FAM83E: variants seen among roughly 807,000 people sequenced by gnomAD.
FAM83E encodes scaffolding CK1 anchoring protein E.
FAM83E carries 29 observed loss-of-function variants against 34.3 expected under a neutral mutation model. The ratio of observed to expected loss-of-function variants is 0.85; its 90% confidence interval spans 0.63 to 1.15. FAM83E has a LOEUF of 1.15. FAM83E is among the 50% of genes most tolerant of loss of function. The pLI is 0.00. For missense variants in FAM83E, 697 were observed against 685.0 expected (o/e 1.02, Z -0.20); for synonymous variants, 312 against 311.6 (o/e 1.00, Z -0.01).
In FAM83E at chr19:48,610,677, T is replaced by G; in HGVS notation, c.633+3A>C. ...TCACAGGACCCCCTGGCCCGGCCCC[T>G]ACCTCCGTGTTCCAGGGGTTCACCC... is the stretch of plus-strand genomic sequence containing the variant. On this transcript the variant is annotated splice_donor_region_variant and intron_variant, in intron 4 of 6. Coordinates refer to ENST00000263266, the MANE Select transcript of FAM83E (RefSeq NM_017708.4). The G allele has an allele frequency of 6.4e-7, 1 of 1,562,732 alleles. No individual in the cohort carries two copies. The highest frequency in any genetic ancestry group is 8.7e-7 in the Non-Finnish European group (1 of 1,153,862).
Position 48,603,668 on chromosome 19 carries a change from G to T in FAM83E, c.1002C>A (p.His334Gln). 1 of 1,301,240 alleles carries T rather than the reference G, an allele frequency of 7.7e-7. No individual in the cohort carries two copies. The allele number at this position is 1,301,240 out of a possible 1,614,324, so 80.6% of individuals were successfully genotyped here. ...SPPPPDGPLAHRLAACRVSPA... is the reference protein window; with the variant it reads ...SPPPPDGPLAQRLAACRVSPA... ...GGGAGACGCGGCAGGCGGCCAGGCG[G>T]TGGGCCAGCGGGCCGTCAGGCGGCG... The change falls in exon 6 of 7, where the codon CAC becomes CAA. Residue 334 changes from histidine (H) to glutamine (Q), a missense_variant. Coordinates refer to ENST00000263266, the MANE Select transcript of FAM83E (RefSeq NM_017708.4).
At chr19:48,606,253 G>A (rs990360674) in intron 5 of FAM83E, among the ~76,000 whole-genome samples, 1 of 152,220 alleles carries the variant, frequency 6.6e-6, no homozygotes, top group Non-Finnish European at 1.5e-5. Flanking sequence ...AGAAGCTGCA[G>A]TGAGCTGAGA....
chr19:48,608,446 T>A (rs1034217044), intron 5 of FAM83E, among the ~76,000 whole-genome samples: 8 of 148,364 alleles, frequency 5.4e-5, no homozygotes, highest in African/African-American at 7.5e-5. Context: ...CCTTTTTTTT[T>A]TTTTTTTTTA....
intron 6 of FAM83E, 85 bp downstream of exon 6, chr19:48,603,409 C>A (rs1294704382): frequency 2.3e-6 from 3 of 1,300,156 alleles, no homozygotes; most frequent in Non-Finnish European, 3.0e-6. Context: ...GGGAGCAGGG[C>A]CCCTGGAGCC....
rs1384028320 is a variant in FAM83E at position 48,610,670 on chromosome 19, C to T, written c.633+10G>A. 2.4e-5 allele frequency: 38 copies of T among 1,557,720 alleles called. No homozygotes were observed. Among genetic ancestry groups the T allele is most frequent in the East Asian group, 9.6e-5 (4 of 41,454 alleles). On this transcript the variant is annotated intron_variant, in intron 4 of 6. Coordinates refer to ENST00000263266, the MANE Select transcript of FAM83E (RefSeq NM_017708.4). ...TGGGGACTCACAGGACCCCCTGGCC[C>T]GGCCCCTACCTCCGTGTTCCAGGGG... is the stretch of plus-strand genomic sequence containing the variant.
chr19:48,614,669 GC>G (rs1568423254), intron 2 of FAM83E, 38 bp downstream of exon 2: 1 of 684,856 alleles, frequency 1.5e-6, no homozygotes, highest in Non-Finnish European at 1.8e-6. Flanking sequence ...CAGCCTCCCC[GC>G]CCCACCCTCA....
In FAM83E at chr19:48,601,240, C is replaced by CG. The variant is rs779244852; in HGVS notation, c.1305dup (p.Ala436ArgfsTer113). ...GGGGACAGATAGCGGAGGCGGTGGG[C>CG]GGGGGGCAGGGGCAGGGCACCGCCC... On this transcript the variant is annotated frameshift_variant, in exon 7 of 7. Coordinates refer to ENST00000263266, the MANE Select transcript of FAM83E (RefSeq NM_017708.4). LOFTEE classifies it low-confidence loss of function (END_TRUNC). 12 of 1,605,278 alleles carry CG rather than the reference C, an allele frequency of 7.5e-6. No homozygotes were observed. The highest frequency in any genetic ancestry group is 7.7e-6 in the Non-Finnish European group (9 of 1,175,250).
intron 3 of FAM83E, 60 bp from the exon 4 acceptor site, chr19:48,610,907 G>A (rs1974030375): frequency 6.6e-7 from 1 of 1,507,652 alleles, no homozygotes; most frequent in Non-Finnish European, 9.0e-7. Flanking sequence ...GGGACACTCA[G>A]AGGGTGTGGG....
chr19:48,603,375 C>G, intron 6 of FAM83E, 119 bp downstream of exon 6: 1 of 955,464 alleles, frequency 1.0e-6, no homozygotes, highest in Non-Finnish European at 1.4e-6. Flanking sequence ...GGGTGCAGGC[C>G]CTCAGGAAAC....
At position 48,601,241 on chromosome 19, in the gene FAM83E, G is replaced by GGGGGGC. The variant is rs1478148769; in HGVS notation, c.1299_1304dup (p.Pro434_Pro435dup). 2.5e-6 allele frequency: 4 copies of GGGGGGC among 1,604,426 alleles called. No homozygotes were observed. The highest frequency in any genetic ancestry group is 2.6e-6 in the Non-Finnish European group (3 of 1,174,908). ...GGGACAGATAGCGGAGGCGGTGGGC[G>GGGGGGC]GGGGGCAGGGGCAGGGCACCGCCCC... On this transcript the variant is annotated inframe_insertion, in exon 7 of 7. Transcript: ENST00000263266.
chr19:48,606,001 T>A (rs1973921911), intron 5 of FAM83E, among the ~76,000 whole-genome samples: 1 of 151,852 alleles, frequency 6.6e-6, no homozygotes, highest in Non-Finnish European at 1.5e-5. Flanking sequence ...GTCATCACAG[T>A]AGTTGTTATT....
chr19:48,612,101 G>A (rs993358075), intron 3 of FAM83E, among the ~76,000 whole-genome samples: 10 of 152,194 alleles, frequency 6.6e-5, no homozygotes, highest in African/African-American at 1.4e-4. Context: ...AACCGCCCCC[G>A]TGCCTCCGTG....
chr19:48,607,503 C>G, intron 5 of FAM83E: 1 of 1,105,068 alleles, frequency 9.0e-7, no homozygotes, highest in South Asian at 1.7e-5. Flanking sequence ...ACCAGGAGCC[C>G]GGTGCTAGGG....
intron 6 of FAM83E, among the ~76,000 whole-genome samples, chr19:48,602,876 C>A (rs2147639102): frequency 7.3e-6 from 1 of 137,734 alleles, no homozygotes; most frequent in Non-Finnish European, 1.6e-5. Context: ...TATTTTGAGA[C>A]AGCCTTGCTC....
rs757536798 is a variant in FAM83E at position 48,614,369 on chromosome 19, G to T, written c.-997C>A. 1.0e-6 allele frequency: 1 copy of T among 985,264 alleles called. No homozygotes were observed. The highest frequency in any genetic ancestry group is 1.2e-6 in the Non-Finnish European group (1 of 829,936). The allele number at this position is 985,264 out of a possible 1,614,324, so 61.0% of individuals were successfully genotyped here. ...TGGGACCTGTTCCAGGCCGTCCTCT[G>T]ATCTGCGGGGAGCCCTACCCAAGCT... On this transcript the variant is annotated 5_prime_UTR_variant, in exon 3 of 7. Transcript: ENST00000263266.
In FAM83E at chr19:48,610,861, G is replaced by A; in HGVS notation, c.466-14C>T. 6.3e-7 allele frequency: 1 copy of A among 1,583,284 alleles called. No individual in the cohort carries two copies. On this transcript the variant is annotated splice_polypyrimidine_tract_variant and intron_variant, in intron 3 of 6. Transcript: ENST00000263266. ...CACGGCCACCAGCTGGGCATGGGGAGAGGGGCGGTGGGCTTGTGAACGGAA... is the reference window on the plus strand; with the variant it reads ...CACGGCCACCAGCTGGGCATGGGGAAAGGGGCGGTGGGCTTGTGAACGGAA...
At chr19:48,610,164 C>T (rs550320709) in intron 4 of FAM83E, among the ~76,000 whole-genome samples, 164 bp from the exon 5 acceptor site, 78 of 152,088 alleles carry the variant, frequency 5.1e-4, no homozygotes, top group African/African-American at 1.8e-3. Context: ...TTTGGGAGGC[C>T]GAGGCGGGTG....
chr19:48,607,141 C>T (rs1415191185), intron 5 of FAM83E: 2 of 1,612,966 alleles, frequency 1.2e-6, no homozygotes. Context: ...CGGGGTCGCC[C>T]CGGGCACTGG....
intron 5 of FAM83E, chr19:48,606,684 C>T (rs1973934220): frequency 8.8e-6 from 4 of 452,392 alleles, no homozygotes; most frequent in Non-Finnish European, 1.6e-5. Context: ...CTCCTCTCAC[C>T]TATGACCTCA....
Sources: gnomAD v4.1 joint callset for allele counts (sites outside exome capture counted in the v4.1 genomes callset) on GRCh38, gnomAD v4.1.1 for gene constraint, MANE v1.5 for transcripts, NCBI Gene and HGNC (gene_info 2026-07-23, HGNC 2026-07-21) for gene names.